Variants in PPARGC1A observed in about 807,000 individuals in gnomAD.
PPARGC1A encodes the protein peroxisome proliferator-activated receptor gamma coactivator 1-alpha.
Under a neutral mutation model 88.7 loss-of-function variants are expected in PPARGC1A, and 25 were observed. That is an observed-to-expected ratio of 0.28 (90% CI 0.21 to 0.39). The LOEUF is 0.39. Among genes scored for constraint, PPARGC1A ranks in the 10% least tolerant of loss-of-function variants. The pLI is 1.00. For missense variants in PPARGC1A, 880 were observed against 968.7 expected (o/e 0.91, Z 1.22); for synonymous variants, 363 against 355.6 (o/e 1.02, Z -0.24).
intron 2 of PPARGC1A, among the ~76,000 whole-genome samples, chr4:23,840,790 TTTGTTG>T (rs576748574): frequency 6.6e-6 from 1 of 152,130 alleles, no homozygotes; most frequent in Non-Finnish European, 1.5e-5. Flanking sequence ...TCATTCTTCT[TTTGTTG>T]TTGTTGTTGT....
chr4:24,061,335 C>G, the PPARGC1A span, among the ~76,000 whole-genome samples: 1 of 152,200 alleles, frequency 6.6e-6, no homozygotes, highest in African/African-American at 2.4e-5. Flanking sequence ...TCAGGCAACT[C>G]AGGAAAAGCA....
chr4:23,938,494 G>A, the PPARGC1A span, among the ~76,000 whole-genome samples: 1 of 152,170 alleles, frequency 6.6e-6, no homozygotes, highest in Non-Finnish European at 1.5e-5. Flanking sequence ...GCATGCAGTA[G>A]AGAGAGAAAA....
chr4:24,260,026 T>C, the PPARGC1A span, among the ~76,000 whole-genome samples: 4 of 152,060 alleles, frequency 2.6e-5, no homozygotes, highest in Admixed American at 2.0e-4. Flanking sequence ...TAGGCCTTTG[T>C]TTCTCAAGAG....
the PPARGC1A span, among the ~76,000 whole-genome samples, chr4:24,294,978 G>A: frequency 4.7e-4 from 71 of 152,260 alleles, no homozygotes; most frequent in African/African-American, 1.7e-3. Flanking sequence ...GCCCATGGGG[G>A]GACTAGTAGG....
chr4:24,042,056 A>G, the PPARGC1A span, among the ~76,000 whole-genome samples: 2 of 152,128 alleles, frequency 1.3e-5, no homozygotes, highest in African/African-American at 4.8e-5. Context: ...GTTTTCCACC[A>G]GTCATGGTTT....
the PPARGC1A span, among the ~76,000 whole-genome samples, chr4:24,002,888 C>G: frequency 3.3e-5 from 5 of 152,054 alleles, no homozygotes; most frequent in Non-Finnish European, 7.4e-5. Flanking sequence ...TGTAAGGGAC[C>G]CACATTAGAT....
the PPARGC1A span, among the ~76,000 whole-genome samples, chr4:24,273,055 C>G: frequency 1.3e-5 from 2 of 152,206 alleles, no homozygotes; most frequent in Non-Finnish European, 2.9e-5. Flanking sequence ...GGTTCTTAAT[C>G]GAACATTCAT....
the PPARGC1A span, among the ~76,000 whole-genome samples, chr4:24,191,397 C>G: frequency 2.0e-5 from 3 of 152,268 alleles, no homozygotes; most frequent in Admixed American, 2.0e-4. Context: ...GGTTACATGA[C>G]TAGTAAATGG....
At chr4:24,074,541 A>G in the PPARGC1A span, among the ~76,000 whole-genome samples, 3 of 152,128 alleles carry the variant, frequency 2.0e-5, no homozygotes, top group African/African-American at 7.2e-5. Flanking sequence ...ACATACAAAT[A>G]TTTTATTTCC....
At chr4:24,118,905 GA>G in the PPARGC1A span, among the ~76,000 whole-genome samples, 4 of 150,430 alleles carry the variant, frequency 2.7e-5, no homozygotes, top group African/African-American at 7.3e-5. Context: ...GCTCCAACCT[GA>G]AAAAAAAATG....
chr4:24,242,944 T>C, the PPARGC1A span, among the ~76,000 whole-genome samples: 93,719 of 151,980 alleles, frequency 0.62, 29,171 homozygotes, highest in Middle Eastern at 0.7. Flanking sequence ...CTCCATCCCC[T>C]TTTTCCACTC....
chr4:24,232,126 T>G, the PPARGC1A span, among the ~76,000 whole-genome samples: 1 of 151,918 alleles, frequency 6.6e-6, no homozygotes, highest in East Asian at 1.9e-4. Context: ...CAGTTCGGCA[T>G]GTGACGTGAC....
At chr4:23,853,894 T>C (rs1729742926) in intron 2 of PPARGC1A, among the ~76,000 whole-genome samples, 2 of 152,156 alleles carry the variant, frequency 1.3e-5, no homozygotes. Flanking sequence ...GCTCTGTCAA[T>C]TACTAGGATT....
the PPARGC1A span, among the ~76,000 whole-genome samples, chr4:24,424,256 CA>C: frequency 1.1e-5 from 1 of 92,410 alleles, no homozygotes; most frequent in Admixed American, 1.3e-4. Flanking sequence ...GCTATACACA[CA>C]CTTTTTTTTT....
At chr4:24,434,472 A>C in the PPARGC1A span, among the ~76,000 whole-genome samples, 6 of 152,168 alleles carry the variant, frequency 3.9e-5, no homozygotes, top group Non-Finnish European at 7.4e-5. Flanking sequence ...AGGCCATAAA[A>C]AGCTGTTATC....
the PPARGC1A span, among the ~76,000 whole-genome samples, chr4:24,012,324 C>T: frequency 6.6e-6 from 1 of 152,058 alleles, no homozygotes; most frequent in Non-Finnish European, 1.5e-5. Flanking sequence ...ATTAGGGAAG[C>T]CAATTGTCAA....
chr4:24,167,906 A>G, the PPARGC1A span, among the ~76,000 whole-genome samples: 2 of 152,016 alleles, frequency 1.3e-5, no homozygotes, highest in African/African-American at 4.8e-5. Context: ...GGCATGCACA[A>G]CCATGCCTGG....
chr4:24,262,983 A>G, the PPARGC1A span, among the ~76,000 whole-genome samples: 2 of 152,190 alleles, frequency 1.3e-5, no homozygotes, highest in African/African-American at 2.4e-5. Flanking sequence ...AATAGCTGAG[A>G]TTTGGGCTTC....
the PPARGC1A span, chr4:24,258,329 A>G: frequency 3.5e-6 from 1 of 281,900 alleles, no homozygotes; most frequent in Admixed American, 6.5e-5. Flanking sequence ...CTGAAAGGCA[A>G]TAAGGTTTTA....
Sources: gnomAD v4.1 joint callset for allele counts (sites outside exome capture counted in the v4.1 genomes callset) on GRCh38, gnomAD v4.1.1 for gene constraint, MANE v1.5 for transcripts, NCBI Gene and HGNC (gene_info 2026-07-23, HGNC 2026-07-21) for gene names.